The following DHX57 variants were observed in gnomAD, a reference collection of about 807,000 sequenced individuals.
DHX57 encodes putative ATP-dependent RNA helicase DHX57.
In DHX57, 105 loss-of-function variants were observed where a neutral mutation model predicts 156.2. The observed-to-expected ratio is 0.67, with a 90% CI of 0.57 to 0.79. The LOEUF (loss-of-function observed/expected upper bound fraction) is 0.79, where lower values mean the gene tolerates loss of function less well. DHX57 is among the 30% of genes least tolerant of loss of function. DHX57 has a pLI of 0.00. For synonymous variants in DHX57, 704 were observed against 595.6 expected (o/e 1.18, Z -2.65); for missense variants, 1,847 against 1,661.9 (o/e 1.11, Z -1.94).
chr2:38,836,180 A>T (rs1435769822), intron 13 of DHX57, among the ~76,000 whole-genome samples: 1 of 152,248 alleles, frequency 6.6e-6, no homozygotes, highest in Non-Finnish European at 1.5e-5. Flanking sequence ...GGTACTATAT[A>T]GAAACATTTT....
Position 38,847,059 on chromosome 2 carries a change from C to T in DHX57, c.2179G>A (p.Val727Ile), listed in dbSNP as rs746877485. 51 of 1,613,362 alleles carry T rather than the reference C, an allele frequency of 3.2e-5. No homozygotes were observed. In the Admixed American group the frequency reaches 8.3e-4, roughly 26 times the overall value. The change falls in exon 11 of 24, where the codon GTT becomes ATT. Residue 727 changes from valine (V) to isoleucine (I), a missense_variant. Transcript: ENST00000457308. Reference protein sequence around the residue: ...VITIPGRTFPVDQFFLEDAIA... With the variant: ...VITIPGRTFPIDQFFLEDAIA... ...GCATCTTCCAAAAAAAATTGATCAA[C>T]AGGAAATGTACGACCTAGAAAAACA...
intron 1 of DHX57, among the ~76,000 whole-genome samples, chr2:38,868,966 T>C (rs1358881748): frequency 6.6e-6 from 1 of 152,128 alleles, no homozygotes; most frequent in African/African-American, 2.4e-5. Flanking sequence ...CACGCCCAGC[T>C]AATATTTGTA....
At chr2:38,862,464 G>C in intron 3 of DHX57, 131 bp from the exon 4 acceptor site, 1 of 864,806 alleles carries the variant, frequency 1.2e-6, no homozygotes, top group Non-Finnish European at 1.6e-6. Flanking sequence ...ATCTTATATT[G>C]AACTATTAAT....
rs565706584 is a variant in DHX57 at position 38,823,027 on chromosome 2, G to C, written c.3257C>G (p.Thr1086Ser). The stretch of plus-strand genomic sequence containing the variant: ...CTTAAAAGCCAAACTGGCAGCAATG[G>C]TGAGAGCAGGATCCAAACAGCGGAA... Reference protein sequence around the residue: ...SIFRCLDPALTIAASLAFKSP... With the variant: ...SIFRCLDPALSIAASLAFKSP... The change falls in exon 17 of 24, where the codon ACC becomes AGC. Residue 1086 changes from threonine to serine, a missense_variant. Coordinates refer to ENST00000457308, the MANE Select transcript of DHX57 (RefSeq NM_198963.3). 27 of 1,614,140 alleles carry C rather than the reference G, an allele frequency of 1.7e-5. No homozygotes were observed. In the East Asian group the frequency reaches 6.0e-4, roughly 36 times the overall value.
chr2:38,810,534 G>T (rs1670185268), intron 21 of DHX57: 1 of 563,758 alleles, frequency 1.8e-6, no homozygotes, highest in South Asian at 1.5e-5. Context: ...GCTCATCATT[G>T]CCCTCCACGT....
chr2:38,811,160 G>T, intron 21 of DHX57: 2 of 515,782 alleles, frequency 3.9e-6, no homozygotes, highest in South Asian at 1.8e-5. Context: ...CAGAGTGACT[G>T]GGATGGGAAT....
At chr2:38,850,903 C>T (rs567348016) in intron 9 of DHX57, among the ~76,000 whole-genome samples, 13 of 152,004 alleles carry the variant, frequency 8.6e-5, no homozygotes, top group South Asian at 2.1e-4. Context: ...GGTGAAACTC[C>T]GACTCTATTA....
chr2:38,821,447 G>A (rs1040854103), intron 17 of DHX57, among the ~76,000 whole-genome samples: 2 of 152,168 alleles, frequency 1.3e-5, no homozygotes, highest in Admixed American at 1.3e-4. Flanking sequence ...TGCAATCCCA[G>A]CACTTTGGGA....
chr2:38,834,296 A>G (rs962587083), intron 13 of DHX57, among the ~76,000 whole-genome samples: 1 of 140,366 alleles, frequency 7.1e-6, no homozygotes, highest in Non-Finnish European at 1.5e-5. Context: ...ACACCATTGC[A>G]CTCCAGCCTG....
At chr2:38,854,681 A>T (rs1672790434) in intron 8 of DHX57, 1 of 179,904 alleles carries the variant, frequency 5.6e-6, no homozygotes, top group African/African-American at 2.4e-5. Context: ...CCTGCCTCAG[A>T]CTCCCGAGTA....
chr2:38,816,712 G>A (rs187815880), intron 19 of DHX57, among the ~76,000 whole-genome samples: 1 of 152,286 alleles, frequency 6.6e-6, no homozygotes, highest in East Asian at 1.9e-4. Flanking sequence ...TATTTTCTTG[G>A]AATGTCTCAA....
chr2:38,823,137 A>C lies in DHX57; in HGVS notation c.3147T>G (p.Asp1049Glu). The C allele has an allele frequency of 6.2e-7, 1 of 1,614,236 alleles. No homozygotes were observed. Among genetic ancestry groups the C allele is most frequent in the East Asian group, 2.2e-5 (1 of 44,890 alleles). The stretch of plus-strand genomic sequence containing the variant: ...GATACCCAAGAGGGGTCAATCTTTC[A>C]TCTGGAGTTAATGCTCCTAAGTCTC... ...RLRDLGALTP[D>E]ERLTPLGYHL... Residue 1049 changes from aspartate to glutamate, a missense_variant, in exon 17 of 24, where the codon GAT becomes GAG. Coordinates refer to ENST00000457308, the MANE Select transcript of DHX57 (RefSeq NM_198963.3).
At position 38,803,521 on chromosome 2, in the gene DHX57, C is replaced by G. The variant is rs1307475985; in HGVS notation, c.3817-606G>C. 3.4e-5 allele frequency among the ~76,000 whole-genome samples: 5 copies of G among 148,984 alleles called. No homozygotes were observed. In the East Asian group the frequency reaches 9.8e-4, roughly 29 times the overall value. The stretch of plus-strand genomic sequence containing the variant: ...TTTTTTTTTGAGACAGAGTTTTGCT[C>G]TTTTTGTCCAGGCTGGAGTGCAATG... On this transcript the variant is annotated intron_variant, in intron 22 of 23. Coordinates refer to ENST00000457308, the MANE Select transcript of DHX57 (RefSeq NM_198963.3).
chr2:38,844,260 C>T (rs1455501579), intron 11 of DHX57, among the ~76,000 whole-genome samples: 2 of 151,970 alleles, frequency 1.3e-5, no homozygotes, highest in Non-Finnish European at 2.9e-5. Context: ...GAGAACAGAA[C>T]AAAACAACAC....
In DHX57 at chr2:38,837,963, G is replaced by A. The variant is rs1390017260; in HGVS notation, c.2426-16C>T. 1 of 1,484,626 alleles carries A rather than the reference G, an allele frequency of 6.7e-7. No homozygotes were observed. The highest frequency in any genetic ancestry group is 9.4e-7 in the Non-Finnish European group (1 of 1,063,058). The allele number at this position is 1,484,626 out of a possible 1,614,324, so 92.0% of individuals were successfully genotyped here. On this transcript the variant is annotated splice_polypyrimidine_tract_variant and intron_variant, in intron 12 of 23. Coordinates refer to ENST00000457308, the MANE Select transcript of DHX57 (RefSeq NM_198963.3). ...TTGCTAACCCCTGAAAGAAAGAAAGGTAAAAATGAGAAGGATATTTATACC... is the reference window on the plus strand; with the variant it reads ...TTGCTAACCCCTGAAAGAAAGAAAGATAAAAATGAGAAGGATATTTATACC...
rs573506683 is a variant in DHX57, at chr2:38,801,271, C to T, written c.4017+1444G>A. Among the ~76,000 whole-genome samples the T allele has an allele frequency of 3.9e-5, 6 of 152,286 alleles. No individual in the cohort carries two copies. The South Asian group carries it at 1.2e-3, about 32-fold the overall frequency. ...TATTTCTTTTTTTGGGACAGAGTCTCACTCTGTCACCCAGGCTGGAGTGCA... is the reference window on the plus strand; with the variant it reads ...TATTTCTTTTTTTGGGACAGAGTCTTACTCTGTCACCCAGGCTGGAGTGCA... On this transcript the variant is annotated intron_variant, in intron 23 of 23. Coordinates refer to ENST00000457308, the MANE Select transcript of DHX57 (RefSeq NM_198963.3).
At chr2:38,875,523 C>T (rs554582330) in intron 1 of DHX57, among the ~76,000 whole-genome samples, 1 of 152,052 alleles carries the variant, frequency 6.6e-6, no homozygotes, top group Admixed American at 6.5e-5. Context: ...GAATTTCACG[C>T]CCCGCCCCCC....
intron 12 of DHX57, chr2:38,838,756 A>T: frequency 2.2e-6 from 1 of 455,658 alleles, no homozygotes; most frequent in Non-Finnish European, 4.4e-6. Context: ...TGAGAAAATG[A>T]TAAGTGGTTG....
intron 5 of DHX57, among the ~76,000 whole-genome samples, chr2:38,860,220 C>T (rs1162972348): frequency 1.3e-5 from 2 of 152,126 alleles, no homozygotes; most frequent in African/African-American, 4.8e-5. Flanking sequence ...GAGGCCAAGG[C>T]AGGCGGATCA....
Sources: allele counts gnomAD v4.1 joint callset (sites outside exome capture counted in the v4.1 genomes callset), GRCh38; gene constraint gnomAD v4.1.1; transcripts MANE v1.5; gene names NCBI Gene and HGNC (gene_info 2026-07-23, HGNC 2026-07-21).